The following SYT16 variants were observed in gnomAD, a reference collection of about 807,000 sequenced individuals.
SYT16 encodes the protein synaptotagmin 16.
Under a neutral mutation model 61.4 loss-of-function variants are expected in SYT16, and 42 were observed. The ratio of observed to expected loss-of-function variants is 0.68; its 90% CI spans 0.53 to 0.89. The LOEUF is 0.89. SYT16 is among the 40% of genes least tolerant of loss of function. The probability of loss-of-function intolerance (pLI) is 0.00; values close to 1 mark genes in which losing one functional copy is unlikely to be tolerated. For synonymous variants in SYT16, 314 were observed against 302.3 expected (o/e 1.04, Z -0.40); for missense variants, 804 against 807.3 (o/e 1.00, Z 0.05).
intron 3 of SYT16, among the ~76,000 whole-genome samples, chr14:62,022,772 A>T (rs576597956): frequency 6.6e-6 from 1 of 152,070 alleles, no homozygotes; most frequent in East Asian, 1.9e-4. Context: ...GGGTTCATCA[A>T]TTGGATTATT....
chr14:62,107,266 T>TCTACAAAA lies in SYT16; in HGVS notation c.*6560_*6567dup, dbSNP rs1360903333. 6.6e-6 allele frequency: 1 copy of TCTACAAAA among 151,996 alleles called. No individual in the cohort carries two copies. Among genetic ancestry groups the TCTACAAAA allele is most frequent in the Admixed American group, 6.6e-5 (1 of 15,250 alleles). The allele number at this position is 151,996 out of a possible 1,614,324, so 9.4% of individuals were successfully genotyped here. A position where few individuals can be genotyped will look rare whatever the true frequency, so the allele number is the denominator to read the frequency against. On this transcript the variant is annotated 3_prime_UTR_variant, in exon 8 of 8. Coordinates refer to ENST00000683842, the MANE Select transcript of SYT16 (RefSeq NM_001367656.1). Reference sequence around the variant, plus strand: ...CTGGGCAACATAGTGAGATCTTGTCTCTACAAAATACCAAACATTCGCTGG... The same window carrying TCTACAAAA: ...CTGGGCAACATAGTGAGATCTTGTCTCTACAAAACTACAAAATACCAAACATTCGCTGG...
chr14:61,850,140 C>CT lies in SYT16; in HGVS notation c.-325+37341dup, dbSNP rs1207054064. ...TTTGCATTTTTTTCTTTTTCTTTTT[C>CT]TTTTTTTTTTTGAGACGGACTTTTG... On this transcript the variant is annotated intron_variant, in intron 1 of 7. Transcript: ENST00000683842. 4.7e-3 allele frequency among the ~76,000 whole-genome samples: 677 copies of CT among 144,726 alleles called. 3 individuals carry two copies. The highest frequency in any genetic ancestry group is 7.5e-3 in the Non-Finnish European group (494 of 65,474). 94.9% of individuals were successfully genotyped at this position (144,726 alleles called of 152,430 possible).
rs531622737 is a variant in SYT16 at position 61,939,574 on chromosome 14, G to C, written c.-324-30558G>C. Reference sequence around the variant, plus strand: ...TTCATACGATCTTTCCTTCACGTGTGTACATGCCTGTGGCCAGATTTCCTC... The same window carrying C: ...TTCATACGATCTTTCCTTCACGTGTCTACATGCCTGTGGCCAGATTTCCTC... On this transcript the variant is annotated intron_variant, in intron 1 of 7. Coordinates refer to ENST00000683842, the MANE Select transcript of SYT16 (RefSeq NM_001367656.1). Among the ~76,000 whole-genome samples the C allele has an allele frequency of 8.5e-5, 13 of 152,248 alleles. No individual in the cohort carries two copies. In the East Asian group the frequency reaches 2.5e-3, roughly 29 times the overall value.
chr14:61,820,481 T>G (rs940797232), intron 1 of SYT16, among the ~76,000 whole-genome samples: 11 of 133,926 alleles, frequency 8.2e-5, no homozygotes, highest in African/African-American at 2.9e-4. Flanking sequence ...TTTTTTTTTT[T>G]TTTTTTTTTT....
chr14:61,846,633 T>G (rs2046453729), intron 1 of SYT16, among the ~76,000 whole-genome samples: 1 of 152,196 alleles, frequency 6.6e-6, no homozygotes, highest in Non-Finnish European at 1.5e-5. Context: ...CATCTTTTGA[T>G]TGGAGAGTTT....
At chr14:61,889,996 G>C (rs116415988) in intron 1 of SYT16, among the ~76,000 whole-genome samples, 1,527 of 152,068 alleles carry the variant, frequency 0.01, 28 homozygotes, top group African/African-American at 0.036. Flanking sequence ...CTTTGTCACA[G>C]CCACTGGGGA....
chr14:62,031,817 G>T (rs1051637301), intron 3 of SYT16, among the ~76,000 whole-genome samples: 6 of 152,092 alleles, frequency 3.9e-5, no homozygotes, highest in African/African-American at 1.4e-4. Context: ...AATTAATAGT[G>T]GGTGGTGTCT....
intron 7 of SYT16, among the ~76,000 whole-genome samples, chr14:62,085,958 G>A (rs1008406608): frequency 6.6e-6 from 1 of 152,140 alleles, no homozygotes; most frequent in African/African-American, 2.4e-5. Flanking sequence ...CTGAGATCAG[G>A]TAAAGTCTGA....
At chr14:62,041,395 G>C (rs2054724367) in intron 3 of SYT16, among the ~76,000 whole-genome samples, 1 of 152,166 alleles carries the variant, frequency 6.6e-6, no homozygotes. Context: ...CTGATTTTAA[G>C]GAATTTATTA....
chr14:62,033,459 T>C lies in SYT16; in HGVS notation c.524-36144T>C, dbSNP rs149370643. On this transcript the variant is annotated intron_variant, in intron 3 of 7. Coordinates refer to ENST00000683842, the MANE Select transcript of SYT16 (RefSeq NM_001367656.1). ...GGTTATAAAAAAGGATACCTCACTT[T>C]TTAATTTTCAAAGCAAGAACACATA... is the stretch of plus-strand genomic sequence containing the variant. 3.3e-4 allele frequency among the ~76,000 whole-genome samples: 50 copies of C among 152,284 alleles called. No individual in the cohort carries two copies. In the East Asian group the frequency reaches 9.6e-3, roughly 29 times the overall value.
intron 1 of SYT16, among the ~76,000 whole-genome samples, chr14:61,837,612 T>G (rs2046172983): frequency 6.6e-6 from 1 of 152,172 alleles, no homozygotes; most frequent in Non-Finnish European, 1.5e-5. Context: ...AGGGTTTGCC[T>G]CTAGAAGATG....
At position 62,031,158 on chromosome 14, in the gene SYT16, G is replaced by A. The variant is rs556353350; in HGVS notation, c.523+34616G>A. 2.0e-5 allele frequency among the ~76,000 whole-genome samples: 3 copies of A among 152,262 alleles called. No individual in the cohort carries two copies. In the East Asian group the frequency reaches 5.8e-4, roughly 29 times the overall value. ...AAGTCTCTTTGAAAATATATGGCTT[G>A]TGTTAAAAAATGGAAGGCCACAATG... On this transcript the variant is annotated intron_variant, in intron 3 of 7. Coordinates refer to ENST00000683842, the MANE Select transcript of SYT16 (RefSeq NM_001367656.1).
intron 3 of SYT16, among the ~76,000 whole-genome samples, chr14:62,010,212 A>C (rs866789752): frequency 2.6e-5 from 4 of 152,242 alleles, no homozygotes; most frequent in Admixed American, 2.6e-4. Flanking sequence ...TGAAGCAGAC[A>C]TCTATGTCTT....
At chr14:62,069,543 T>G in intron 3 of SYT16, 60 bp from the exon 4 acceptor site, 3 of 1,488,332 alleles carry the variant, frequency 2.0e-6, no homozygotes, top group Non-Finnish European at 2.8e-6. Flanking sequence ...CTGGAGAGTC[T>G]ATCTCTGTAT....
At chr14:61,861,406 T>C (rs2046958162) in intron 1 of SYT16, among the ~76,000 whole-genome samples, 1 of 152,190 alleles carries the variant, frequency 6.6e-6, no homozygotes, top group African/African-American at 2.4e-5. Context: ...TTTACTTTCT[T>C]TCGGATAATC....
intron 2 of SYT16, among the ~76,000 whole-genome samples, chr14:61,993,526 G>T (rs2052643672): frequency 6.6e-6 from 1 of 152,068 alleles, no homozygotes; most frequent in Non-Finnish European, 1.5e-5. Context: ...GTCATTTCTG[G>T]CTTAAAAAGT....
Position 61,938,909 on chromosome 14 carries a change from C to T in SYT16, c.-324-31223C>T, listed in dbSNP as rs368268606. Among the ~76,000 whole-genome samples, 89 of 152,204 alleles carry T rather than the reference C, an allele frequency of 5.8e-4. No individual in the cohort carries two copies. The South Asian group carries it at 0.013, about 23-fold the overall frequency. On this transcript the variant is annotated intron_variant, in intron 1 of 7. Coordinates refer to ENST00000683842, the MANE Select transcript of SYT16 (RefSeq NM_001367656.1). Reference sequence around the variant, plus strand: ...CAGCACTTTGGGAGGCCAAGGCGGGCGGATCACTTAAGGTCAGGAGCCCGA... The same window carrying T: ...CAGCACTTTGGGAGGCCAAGGCGGGTGGATCACTTAAGGTCAGGAGCCCGA...
intron 7 of SYT16, 75 bp downstream of exon 7, chr14:62,084,460 T>C: frequency 6.8e-7 from 1 of 1,463,800 alleles, no homozygotes; most frequent in Non-Finnish European, 9.1e-7. Context: ...TTCATCTTAG[T>C]TCTTTAATTT....
intron 1 of SYT16, among the ~76,000 whole-genome samples, chr14:61,848,482 AC>A (rs1207963274): frequency 6.6e-6 from 1 of 151,872 alleles, no homozygotes; most frequent in Non-Finnish European, 1.5e-5. Context: ...TGACATAAGC[AC>A]CCCTGTGGCC....
Sources: allele counts gnomAD v4.1 joint callset (sites outside exome capture counted in the v4.1 genomes callset), GRCh38; gene constraint gnomAD v4.1.1; transcripts MANE v1.5; gene names NCBI Gene and HGNC (gene_info 2026-07-23, HGNC 2026-07-21).